The following CCDC66 variants were observed in gnomAD, a reference collection of about 807,000 sequenced individuals.
CCDC66 encodes the protein coiled-coil domain-containing protein 66.
CCDC66 carries 133 observed loss-of-function variants against 128.3 expected under a neutral mutation model. The ratio of observed to expected loss-of-function variants is 1.04; its 90% CI spans 0.90 to 1.20. CCDC66 has a LOEUF of 1.20. CCDC66 is among the 50% of genes most tolerant of loss of function. The pLI is 0.00. For synonymous variants in CCDC66, 387 were observed against 357.0 expected (o/e 1.08, Z -0.95); for missense variants, 1,126 against 1,075.5 (o/e 1.05, Z -0.66).
At chr3:56,588,728 T>C (rs1372556313) in intron 7 of CCDC66, among the ~76,000 whole-genome samples, 3 of 152,130 alleles carry the variant, frequency 2.0e-5, no homozygotes, top group Admixed American at 1.3e-4. Context: ...AAGCTAGATA[T>C]CAGTAACAAA....
chr3:56,615,825 C>A, intron 12 of CCDC66, 97 bp from the exon 13 acceptor site: 2 of 1,064,216 alleles, frequency 1.9e-6, no homozygotes, highest in Non-Finnish European at 2.6e-6. Context: ...AGTGTTCATT[C>A]TGATTAAGTG....
At chr3:56,601,439 T>A (rs533577831) in intron 10 of CCDC66, among the ~76,000 whole-genome samples, 13 of 152,132 alleles carry the variant, frequency 8.5e-5, no homozygotes, top group Admixed American at 5.9e-4. Flanking sequence ...TTGGTTAGGA[T>A]TGTGTTGGCT....
chr3:56,595,737 A>G (rs944075939), intron 10 of CCDC66, among the ~76,000 whole-genome samples: 1 of 152,228 alleles, frequency 6.6e-6, no homozygotes, highest in African/African-American at 2.4e-5. Flanking sequence ...CTTTCGATAA[A>G]TATCCAGTAC....
intron 4 of CCDC66, among the ~76,000 whole-genome samples, chr3:56,564,969 T>C (rs1282473217): frequency 2.0e-5 from 3 of 152,240 alleles, no homozygotes. Context: ...TTATTAGGCA[T>C]AACGAGAAAT....
intron 7 of CCDC66, among the ~76,000 whole-genome samples, chr3:56,590,757 A>T (rs1239354251): frequency 2.6e-5 from 4 of 152,242 alleles, no homozygotes; most frequent in Non-Finnish European, 4.4e-5. Flanking sequence ...CCTAAAAAAA[A>T]AAAATAAAAA....
rs564843876 is a variant in CCDC66, at chr3:56,563,790, A to T, written c.209A>T (p.Lys70Met). ...ATTGGGAGTGAAAAACTTTTGCAAA[A>T]GAAGCCAGTTGGTTCAGAAACATCA... ...TCIGSEKLLQ[K>M]KPVGSETSQA... The change falls in exon 4 of 18, where the codon AAG becomes ATG. Residue 70 changes from lysine (K) to methionine (M), a missense_variant. Transcript: ENST00000394672. 5.8e-6 allele frequency: 9 copies of T among 1,552,270 alleles called. No homozygotes were observed. In the Admixed American group the frequency reaches 1.8e-4, roughly 30 times the overall value.
At chr3:56,620,065 C>T in intron 17 of CCDC66, 164 bp downstream of exon 17, 1 of 637,270 alleles carries the variant, frequency 1.6e-6, no homozygotes, top group Non-Finnish European at 2.5e-6. Flanking sequence ...ATGGGACTTT[C>T]CTAAGACTTG....
chr3:56,576,647 A>T (rs779063168), intron 7 of CCDC66, among the ~76,000 whole-genome samples: 3 of 147,986 alleles, frequency 2.0e-5, no homozygotes, highest in African/African-American at 7.5e-5. Context: ...ATAAGTGAGA[A>T]CATGCAATGT....
chr3:56,618,007 A>T, intron 14 of CCDC66, 165 bp from the exon 15 acceptor site: 1 of 635,530 alleles, frequency 1.6e-6, no homozygotes, highest in Non-Finnish European at 2.8e-6. Flanking sequence ...ACTCCCAAGG[A>T]TTAGTTTTGA....
chr3:56,561,426 T>C, intron 3 of CCDC66: 4 of 347,458 alleles, frequency 1.2e-5, no homozygotes, highest in South Asian at 9.7e-5. Context: ...ATTACTAGAC[T>C]TTTAATCATA....
At chr3:56,564,303 G>T (rs1272633185) in intron 4 of CCDC66, 178 bp downstream of exon 4, 2 of 545,640 alleles carry the variant, frequency 3.7e-6, no homozygotes, top group Non-Finnish European at 6.3e-6. Flanking sequence ...TTTTATAGTT[G>T]TGCCATATTT....
intron 10 of CCDC66, among the ~76,000 whole-genome samples, chr3:56,596,810 G>T (rs1320916510): frequency 1.7e-4 from 24 of 138,438 alleles, no homozygotes; most frequent in Non-Finnish European, 3.0e-5. Context: ...ACCCTGGAAT[G>T]CAGTGACGTG....
intron 6 of CCDC66, among the ~76,000 whole-genome samples, chr3:56,567,833 G>A (rs1159488123): frequency 6.6e-6 from 1 of 151,990 alleles, no homozygotes; most frequent in Non-Finnish European, 1.5e-5. Flanking sequence ...GGGACTACAG[G>A]CACCCACTAC....
Position 56,567,002 on chromosome 3 carries a change from T to A in CCDC66, c.763T>A (p.Cys255Ser), listed in dbSNP as rs1410304132. 1 of 1,614,012 alleles carries A rather than the reference T, an allele frequency of 6.2e-7. No individual in the cohort carries two copies. The highest frequency in any genetic ancestry group is 1.3e-5 in the African/African-American group (1 of 74,916). The change falls in exon 6 of 18, where the codon TGT (cysteine) becomes AGT (serine). Residue 255 changes from cysteine to serine, a missense_variant. By Grantham distance (112) the Cys-to-Ser change is moderately radical. Transcript: ENST00000394672. ...DIFSTLGERECDRSSLEAKKA... is the reference protein window; with the variant it reads ...DIFSTLGERESDRSSLEAKKA... ...ATTCAGTACTCTGGGGGAAAGGGAA[T>A]GTGATAGAAGTTCGTTGGAAGCAAA...
At chr3:56,616,798 G>T (rs560923106) in intron 13 of CCDC66, 2 of 241,442 alleles carry the variant, frequency 8.3e-6, no homozygotes, top group South Asian at 1.0e-4. Context: ...CTATATCCTT[G>T]CCAGCCCTTG....
At chr3:56,596,211 G>A (rs982926583) in intron 10 of CCDC66, among the ~76,000 whole-genome samples, 1 of 152,106 alleles carries the variant, frequency 6.6e-6, no homozygotes, top group African/African-American at 2.4e-5. Flanking sequence ...GAGCCACCGG[G>A]CCCAGCATTT....
At chr3:56,585,137 G>A (rs1434779531) in intron 7 of CCDC66, among the ~76,000 whole-genome samples, 3 of 135,156 alleles carry the variant, frequency 2.2e-5, no homozygotes, top group Admixed American at 7.3e-5. Context: ...GAGAGGGAGG[G>A]AGAGGGAGAG....
intron 10 of CCDC66, among the ~76,000 whole-genome samples, chr3:56,607,291 A>G (rs770675505): frequency 6.6e-6 from 1 of 152,066 alleles, no homozygotes; most frequent in South Asian, 2.1e-4. Flanking sequence ...ATGTGTTTCC[A>G]TTTGTTTGTG....
At chr3:56,616,187 G>T in intron 13 of CCDC66, 134 bp downstream of exon 13, 3 of 721,432 alleles carry the variant, frequency 4.2e-6, no homozygotes, top group African/African-American at 1.9e-5. Flanking sequence ...CAAAATAAAG[G>T]GATAACAGCT....
Sources: allele counts gnomAD v4.1 joint callset (sites outside exome capture counted in the v4.1 genomes callset), GRCh38; gene constraint gnomAD v4.1.1; transcripts MANE v1.5; gene names NCBI Gene and HGNC (gene_info 2026-07-23, HGNC 2026-07-21).